The following TNFAIP6 variants were observed in gnomAD, a reference collection of about 807,000 sequenced individuals.
TNFAIP6 encodes TNF alpha induced protein 6, also known as tumor necrosis factor-inducible gene 6 protein.
Under a neutral mutation model 33.7 loss-of-function variants are expected in TNFAIP6, and 36 were observed. The ratio of observed to expected loss-of-function variants is 1.07; its 90% CI spans 0.82 to 1.41. The LOEUF (loss-of-function observed/expected upper bound fraction) is 1.41, where lower values mean the gene tolerates loss of function less well. TNFAIP6 is among the 40% of genes most tolerant of loss of function. The probability of loss-of-function intolerance (pLI) is 0.00; values close to 1 mark genes in which losing one functional copy is unlikely to be tolerated. For missense variants in TNFAIP6, 273 were observed against 331.9 expected, an observed-to-expected ratio of 0.82 and a Z score of 1.38; for synonymous variants, 113 against 112.8, an observed-to-expected ratio of 1.00 and a Z score of -0.01.
At chr2:151,363,683 C>A (rs1212850129) in intron 1 of TNFAIP6, among the ~76,000 whole-genome samples, 1 of 151,868 alleles carries the variant, frequency 6.6e-6, no homozygotes, top group Non-Finnish European at 1.5e-5. Context: ...AAAACAAAAA[C>A]CAACCAACCA....
At chr2:151,365,516 G>A (rs1190541346) in intron 2 of TNFAIP6, among the ~76,000 whole-genome samples, 7 of 151,996 alleles carry the variant, frequency 4.6e-5, no homozygotes. Context: ...GTGCATGCCT[G>A]TAAGCCCAGC....
At chr2:151,373,610 C>A (rs933542335) in intron 5 of TNFAIP6, 21 bp downstream of exon 5, 6 of 1,451,782 alleles carry the variant, frequency 4.1e-6, no homozygotes, top group Non-Finnish European at 5.6e-6. Context: ...AAATTGAGGA[C>A]CAAAACTATG....
At chr2:151,365,364 C>A (rs59379773) in intron 2 of TNFAIP6, among the ~76,000 whole-genome samples, 2,668 of 151,842 alleles carry the variant, frequency 0.018, 59 homozygotes, top group East Asian at 0.06. Context: ...ATAGGCCAGG[C>A]GTGGTGGTTC....
rs1360732268 is a variant in TNFAIP6 at position 151,365,091 on chromosome 2, T to C, written c.233-965T>C. Among the ~76,000 whole-genome samples the C allele has an allele frequency of 2.0e-5, 3 of 152,154 alleles. No homozygotes were observed. In the East Asian group the frequency reaches 5.8e-4, roughly 29 times the overall value. ...ATGAATATCTGATAGGGTGCAGTGG[T>C]TCACACCTGTAATCCCAGCACTTTG... On this transcript the variant is annotated intron_variant, in intron 2 of 5. Coordinates refer to ENST00000243347, the MANE Select transcript of TNFAIP6 (RefSeq NM_007115.4).
intron 4 of TNFAIP6, among the ~76,000 whole-genome samples, chr2:151,371,519 T>A (rs1231572510): frequency 6.6e-6 from 1 of 152,224 alleles, no homozygotes; most frequent in Non-Finnish European, 1.5e-5. Flanking sequence ...ACCAAAGGCA[T>A]TTCTTGCAAA....
chr2:151,376,865 C>CTTTTTTTTTTTTTTTTTTTTTT (rs71403162), intron 5 of TNFAIP6, among the ~76,000 whole-genome samples: 20 of 114,178 alleles, frequency 1.8e-4, no homozygotes, highest in African/African-American at 2.7e-4. Context: ...TTTTTCTTTT[C>CTTTTTTTTTTTTTTTTTTTTTT]TTTTTTTTTT....
intron 5 of TNFAIP6, among the ~76,000 whole-genome samples, chr2:151,377,229 G>A (rs1190339584): frequency 2.6e-5 from 4 of 151,500 alleles, no homozygotes; most frequent in Non-Finnish European, 4.4e-5. Flanking sequence ...GAGTGCAGTG[G>A]CAGGATCTCG....
At chr2:151,380,780 G>A (rs970684820), downstream of TNFAIP6, among the ~76,000 whole-genome samples, 41 of 152,206 alleles carry the variant, frequency 2.7e-4, 1 homozygote, top group Non-Finnish European at 5.9e-5. Flanking sequence ...TGGAAGGTCA[G>A]ATAAACAACT....
intron 5 of TNFAIP6, 85 bp from the exon 6 acceptor site, chr2:151,379,279 C>T (rs1684973888): frequency 2.4e-6 from 3 of 1,231,100 alleles, no homozygotes; most frequent in East Asian, 2.6e-5. Flanking sequence ...CTTATATTCT[C>T]CTATGAGAAT....
chr2:151,368,902 A>G lies in TNFAIP6; in HGVS notation c.395-1118A>G, dbSNP rs1341502405. Among the ~76,000 whole-genome samples the G allele has an allele frequency of 2.0e-5, 3 of 152,350 alleles. No homozygotes were observed. In the East Asian group the frequency reaches 5.8e-4, roughly 29 times the overall value. ...AATGTGTATATATTTGTCAAAATAC[A>G]TAGACATAGGCCAGGTGCCATGGCT... On this transcript the variant is annotated intron_variant, in intron 3 of 5. Transcript: ENST00000243347.
At chr2:151,376,879 T>G (rs899840362) in intron 5 of TNFAIP6, among the ~76,000 whole-genome samples, 6 of 147,706 alleles carry the variant, frequency 4.1e-5, no homozygotes, top group Non-Finnish European at 6.0e-5. Flanking sequence ...TTTTTTTTTT[T>G]TTTTTTGTTT....
At chr2:151,377,171 T>C (rs1463157262) in intron 5 of TNFAIP6, among the ~76,000 whole-genome samples, 1 of 149,630 alleles carries the variant, frequency 6.7e-6, no homozygotes, top group Non-Finnish European at 1.5e-5. Flanking sequence ...TTCTTTTCTT[T>C]TCTTTTCTTT....
At chr2:151,380,462 A>C (rs1454791204), downstream of TNFAIP6, among the ~76,000 whole-genome samples, 1 of 152,204 alleles carries the variant, frequency 6.6e-6, no homozygotes, top group East Asian at 1.9e-4. Context: ...ATTTATGTTT[A>C]GGACTGTCAA....
intron 2 of TNFAIP6, among the ~76,000 whole-genome samples, chr2:151,364,771 C>T (rs765134935): frequency 3.9e-5 from 6 of 152,236 alleles, no homozygotes; most frequent in Non-Finnish European, 5.9e-5. Flanking sequence ...GGATAACATC[C>T]GGCAAAGTTG....
rs186049614 is a variant in TNFAIP6 at position 151,379,825 on chromosome 2, T to G, written c.*292T>G. 4.1e-3 allele frequency: 718 copies of G among 176,222 alleles called. 6 individuals are homozygous for G. The highest frequency in any genetic ancestry group is 0.016 in the African/African-American group (680 of 42,570). The allele number at this position is 176,222 out of a possible 1,614,324, so 10.9% of individuals were successfully genotyped here. A position where few individuals can be genotyped will look rare whatever the true frequency, so the allele number is the denominator to read the frequency against. ...TACCTATATGTATTTGCATTTGAAA[T>G]TTTGGAATCCTGCTCTATGTACAGT... On this transcript the variant is annotated 3_prime_UTR_variant, in exon 6 of 6. Transcript: ENST00000243347.
chr2:151,374,270 A>G (rs1684865722), intron 5 of TNFAIP6, among the ~76,000 whole-genome samples: 1 of 152,184 alleles, frequency 6.6e-6, no homozygotes, highest in South Asian at 2.1e-4. Context: ...GTTCCAAGAA[A>G]TGTACCTCAA....
In TNFAIP6 at chr2:151,379,890, T is replaced by A. The variant is rs1201235554; in HGVS notation, c.*357T>A. 3 of 153,708 alleles carry A rather than the reference T, an allele frequency of 2.0e-5. No homozygotes were observed. Among genetic ancestry groups the A allele is most frequent in the African/African-American group, 7.2e-5 (3 of 41,526 alleles). The allele number at this position is 153,708 out of a possible 1,614,324, so 9.5% of individuals were successfully genotyped here. ...TTTAAATCTTGAACTTTATAAACAT[T>A]TTCTGAAATCATTGATTATTCTACA... On this transcript the variant is annotated 3_prime_UTR_variant, in exon 6 of 6. Transcript: ENST00000243347.
In TNFAIP6 at chr2:151,366,126, C is replaced by T; in HGVS notation, c.303C>T (p.Pro101=). 2 of 1,614,078 alleles carry T rather than the reference C, an allele frequency of 1.2e-6. No individual in the cohort carries two copies. Among genetic ancestry groups the T allele is most frequent in the Non-Finnish European group, 1.7e-6 (2 of 1,179,976 alleles). Residue 101 remains proline, a synonymous_variant, in exon 3 of 6, where the codon CCC becomes CCT. Transcript: ENST00000243347. ...RVGYPIVKPG[P]NCGFGKTGII... ...GATACCCCATTGTGAAGCCAGGGCC[C>T]AACTGTGGATTTGGAAAAACTGGCA... is the stretch of plus-strand genomic sequence containing the variant.
chr2:151,365,764 C>T (rs2152014108), intron 2 of TNFAIP6, among the ~76,000 whole-genome samples: 1 of 152,198 alleles, frequency 6.6e-6, no homozygotes, highest in East Asian at 1.9e-4. Context: ...TTCCATACGT[C>T]ATTTGTGAAA....
Sources: allele counts gnomAD v4.1 joint callset (sites outside exome capture counted in the v4.1 genomes callset), GRCh38; gene constraint gnomAD v4.1.1; transcripts MANE v1.5; gene names NCBI Gene and HGNC (gene_info 2026-07-23, HGNC 2026-07-21).